AUTS2: variants seen among roughly 807,000 people sequenced by gnomAD.
The protein encoded by AUTS2 is autism susceptibility gene 2 protein.
In AUTS2, 17 loss-of-function variants were observed where a neutral mutation model predicts 112.4. That is an observed-to-expected ratio of 0.15 (90% CI 0.10 to 0.23). The LOEUF (loss-of-function observed/expected upper bound fraction) is 0.23. AUTS2 is among the 10% of genes least tolerant of loss of function. AUTS2 has a pLI of 1.00. For synonymous variants in AUTS2, 751 were observed against 702.7 expected (o/e 1.07, Z -1.09); for missense variants, 1,510 against 1,701.6 (o/e 0.89, Z 1.98).
chr7:69,984,634 C>T (rs1360032865), intron 2 of AUTS2, among the ~76,000 whole-genome samples: 5 of 152,170 alleles, frequency 3.3e-5, no homozygotes, highest in African/African-American at 1.2e-4. Flanking sequence ...CACTTTCCCC[C>T]ACGCTGAGAA....
chr7:70,253,005 C>G (rs1786680700), intron 4 of AUTS2, among the ~76,000 whole-genome samples: 1 of 152,104 alleles, frequency 6.6e-6, no homozygotes, highest in South Asian at 2.1e-4. Context: ...ATCTTGAAGT[C>G]TAGGTAACGT....
At chr7:69,726,108 A>G (rs1786500032) in intron 1 of AUTS2, among the ~76,000 whole-genome samples, 2 of 152,190 alleles carry the variant, frequency 1.3e-5, no homozygotes, top group Non-Finnish European at 2.9e-5. Context: ...AATTTTGGCA[A>G]ATATACATAC....
chr7:70,592,245 AGT>A (rs1257723972), intron 5 of AUTS2, among the ~76,000 whole-genome samples: 14 of 152,232 alleles, frequency 9.2e-5, no homozygotes, highest in Non-Finnish European at 5.9e-5. Context: ...TGAGCAATAC[AGT>A]GTTAAGTTCA....
At chr7:70,170,584 G>C (rs1485802708) in intron 4 of AUTS2, among the ~76,000 whole-genome samples, 2 of 150,326 alleles carry the variant, frequency 1.3e-5, no homozygotes, top group African/African-American at 4.9e-5. Flanking sequence ...GATATACTAG[G>C]GACACGTTAT....
In AUTS2 at chr7:70,695,649, C is replaced by T. The variant is rs1474555562; in HGVS notation, c.691-2920C>T. Among the ~76,000 whole-genome samples the T allele has an allele frequency of 2.0e-5, 3 of 152,254 alleles. No homozygotes were observed. In the South Asian group the frequency reaches 6.2e-4, roughly 32 times the overall value. On this transcript the variant is annotated intron_variant, in intron 5 of 18. Coordinates refer to ENST00000342771, the MANE Select transcript of AUTS2 (RefSeq NM_015570.4). ...CTGAAGCAGGAATCGCTGGGTCCCA[C>T]CCCGTCTGCACGCACGGCTTTTTAT... is the stretch of plus-strand genomic sequence containing the variant.
At chr7:70,465,009 G>C (rs1797117427) in intron 5 of AUTS2, among the ~76,000 whole-genome samples, 2 of 152,058 alleles carry the variant, frequency 1.3e-5, no homozygotes, top group Admixed American at 6.6e-5. Flanking sequence ...AGCTCCTCCT[G>C]CTTCCCATTT....
chr7:70,345,001 G>A (rs1791430972), intron 4 of AUTS2, among the ~76,000 whole-genome samples: 2 of 152,186 alleles, frequency 1.3e-5, no homozygotes, highest in African/African-American at 4.8e-5. Flanking sequence ...AGGGTCCAAT[G>A]TGCCTTTGAC....
chr7:70,267,349 G>A (rs1164796412), intron 4 of AUTS2, among the ~76,000 whole-genome samples: 2 of 150,958 alleles, frequency 1.3e-5, no homozygotes, highest in African/African-American at 4.9e-5. Context: ...ATTTCTCTGA[G>A]CTGTTTCTTT....
rs1454120875 is a variant in AUTS2, at chr7:70,327,218, G to A, written c.661-108534G>A. Among the ~76,000 whole-genome samples the A allele has an allele frequency of 2.0e-5, 3 of 152,158 alleles. 1 individual carries two copies. The highest frequency in any genetic ancestry group is 1.3e-4 in the Admixed American group (2 of 15,274). ...CAGGTGTAAGCCACCGCGCCCGGCC[G>A]CTCAGTTCTTACATAATGAGGGCAT... is the stretch of plus-strand genomic sequence containing the variant. On this transcript the variant is annotated intron_variant, in intron 4 of 18. Transcript: ENST00000342771.
intron 1 of AUTS2, among the ~76,000 whole-genome samples, chr7:69,885,675 T>C (rs1051626131): frequency 6.6e-6 from 1 of 152,188 alleles, no homozygotes; most frequent in African/African-American, 2.4e-5. Context: ...TTTCTCACTT[T>C]GGAAAGTCAC....
chr7:70,271,674 G>A (rs1030425130), intron 4 of AUTS2, among the ~76,000 whole-genome samples: 2 of 152,096 alleles, frequency 1.3e-5, no homozygotes, highest in Non-Finnish European at 2.9e-5. Context: ...TTTGAATGGG[G>A]TTGCCCAATC....
chr7:70,236,316 T>A (rs1035130683), intron 4 of AUTS2, among the ~76,000 whole-genome samples: 2 of 152,230 alleles, frequency 1.3e-5, no homozygotes, highest in Admixed American at 6.5e-5. Context: ...TGTTTATATC[T>A]CTAATGAGAT....
chr7:69,839,082 C>G (rs544386922), intron 1 of AUTS2, among the ~76,000 whole-genome samples: 2 of 152,112 alleles, frequency 1.3e-5, no homozygotes, highest in South Asian at 4.2e-4. Flanking sequence ...GATTTCTGTT[C>G]GTAATCAGAA....
In AUTS2 at chr7:69,828,385, A is replaced by G. The variant is rs192334747; in HGVS notation, c.310-70901A>G. On this transcript the variant is annotated intron_variant, in intron 1 of 18. Transcript: ENST00000342771. ...TGGCAGTTGCCATCTTTGAACCGTGAGCCAGCGTAAGAGGACAGGCCCACA... is the reference window on the plus strand; with the variant it reads ...TGGCAGTTGCCATCTTTGAACCGTGGGCCAGCGTAAGAGGACAGGCCCACA... Among the ~76,000 whole-genome samples the G allele has an allele frequency of 1.8e-3, 269 of 152,314 alleles. 1 individual carries two copies. The highest frequency in any genetic ancestry group is 2.1e-3 in the Non-Finnish European group (145 of 68,024).
intron 4 of AUTS2, among the ~76,000 whole-genome samples, chr7:70,352,487 G>T (rs1449462564): frequency 6.6e-6 from 1 of 152,108 alleles, no homozygotes; most frequent in African/African-American, 2.4e-5. Flanking sequence ...GTCAGGAGGG[G>T]TTATCTAGAT....
At chr7:69,675,012 A>T (rs1796494338) in intron 1 of AUTS2, among the ~76,000 whole-genome samples, 1 of 152,090 alleles carries the variant, frequency 6.6e-6, no homozygotes, top group Non-Finnish European at 1.5e-5. Context: ...TGTGACTGAC[A>T]GTTGACAATG....
In AUTS2 at chr7:69,627,510, C is replaced by T. The variant is rs370431367; in HGVS notation, c.309+27548C>T. Among the ~76,000 whole-genome samples the T allele has an allele frequency of 4.0e-4, 61 of 151,546 alleles. 3 individuals carry two copies. The highest frequency in any genetic ancestry group is 1.4e-3 in the African/African-American group (57 of 41,306). On this transcript the variant is annotated intron_variant, in intron 1 of 18. Transcript: ENST00000342771. ...CCGTCTCAAAAAAACCCCAAAAAAA[C>T]AAACAAAAAAAAACAATAAAAAAAC...
At chr7:70,740,948 G>A (rs1788067277) in intron 6 of AUTS2, among the ~76,000 whole-genome samples, 1 of 151,802 alleles carries the variant, frequency 6.6e-6, no homozygotes. Flanking sequence ...ACAAAAATTA[G>A]CCGGGCATGG....
chr7:69,889,930 G>A (rs1251336498), intron 1 of AUTS2, among the ~76,000 whole-genome samples: 2 of 152,120 alleles, frequency 1.3e-5, no homozygotes, highest in Non-Finnish European at 2.9e-5. Flanking sequence ...CGTCCTTTGT[G>A]TACGTTATTG....
Sources: gnomAD v4.1 joint callset for allele counts (sites outside exome capture counted in the v4.1 genomes callset) on GRCh38, gnomAD v4.1.1 for gene constraint, MANE v1.5 for transcripts, NCBI Gene and HGNC (gene_info 2026-07-23, HGNC 2026-07-21) for gene names.